Variants in BLM observed in about 807,000 individuals in gnomAD.
The protein encoded by BLM is BLM RecQ like helicase, also known as recQ-like DNA helicase BLM.
Under a neutral mutation model 135.3 loss-of-function variants are expected in BLM, and 95 were observed. That is an observed-to-expected ratio of 0.70 (90% CI 0.59 to 0.83). The LOEUF (loss-of-function observed/expected upper bound fraction) is 0.83, where lower values mean the gene tolerates loss of function less well. BLM is among the 40% of genes least tolerant of loss of function. BLM has a pLI of 0.00. For synonymous variants in BLM, 520 were observed against 589.2 expected (o/e 0.88, Z 1.70); for missense variants, 1,518 against 1,663.9 (o/e 0.91, Z 1.53).
Position 90,761,254 on chromosome 15 carries a change from T to C in BLM, c.1881T>C (p.Thr627=), listed in dbSNP as rs148678729. The change falls in exon 7 of 22, where the codon ACT becomes ACC. Residue 627 remains threonine (T), a splice_region_variant and synonymous_variant. Coordinates refer to ENST00000355112, the MANE Select transcript of BLM (RefSeq NM_000057.4). ...TCTCAGAGTCAATTCAGAATTATAC[T>C]GGTAAGTTTAAAATAAATTGAATGC... The part of the protein sequence containing the change: ...INFSESIQNY[T]DKSAQNLASR... 21 of 1,513,452 alleles carry C rather than the reference T, an allele frequency of 1.4e-5. No homozygotes were observed. In the African/African-American group the frequency reaches 2.5e-4, roughly 18 times the overall value. The allele number at this position is 1,513,452 out of a possible 1,614,324, so 93.8% of individuals were successfully genotyped here. A position where few individuals can be genotyped will look rare whatever the true frequency, so the allele number is the denominator to read the frequency against.
chr15:90,744,322 A>G (rs1477096430), intron 1 of BLM, among the ~76,000 whole-genome samples: 2 of 152,202 alleles, frequency 1.3e-5, no homozygotes, highest in African/African-American at 4.8e-5. Flanking sequence ...CACATTGTAC[A>G]GGACCTTGAA....
At chr15:90,720,180 A>G (rs1440869372) in intron 1 of BLM, among the ~76,000 whole-genome samples, 1 of 152,148 alleles carries the variant, frequency 6.6e-6, no homozygotes, top group Non-Finnish European at 1.5e-5. Context: ...CTGCTAGTCT[A>G]TAAGCTCCTT....
At chr15:90,811,593 C>T (rs1421357383) in intron 21 of BLM, among the ~76,000 whole-genome samples, 187 bp downstream of exon 21, 1 of 152,078 alleles carries the variant, frequency 6.6e-6, no homozygotes, top group African/African-American at 2.4e-5. Flanking sequence ...CTTCAAGAAA[C>T]AACAAAAAAT....
Position 90,760,626 on chromosome 15 carries a change from A to C in BLM, c.1253A>C (p.Lys418Thr). 1.2e-6 allele frequency: 2 copies of C among 1,612,150 alleles called. No individual in the cohort carries two copies. The highest frequency in any genetic ancestry group is 1.7e-6 in the Non-Finnish European group (2 of 1,178,640). ...CTTCTAACGGAAGTAGATTTTAATA[A>C]AAGTGATGCCAGTCTTCTTGGCTCA... ...RKLLTEVDFN[K>T]SDASLLGSLW... The change falls in exon 7 of 22, where the codon AAA (lysine) becomes ACA (threonine). Residue 418 changes from lysine to threonine, a missense_variant. Around this residue, in one of 5 missense-constraint regions of BLM, gnomAD observed 724 missense variants for 756.9 expected, o/e 0.96. Coordinates refer to ENST00000355112, the MANE Select transcript of BLM (RefSeq NM_000057.4).
At chr15:90,719,011 G>T (rs964166150) in intron 1 of BLM, among the ~76,000 whole-genome samples, 1 of 151,948 alleles carries the variant, frequency 6.6e-6, no homozygotes, top group Admixed American at 6.6e-5. Context: ...TGTTTTTGGG[G>T]GATGGAGTCT....
intron 5 of BLM, 88 bp downstream of exon 5, chr15:90,755,026 G>A (rs1188172391): frequency 2.0e-6 from 3 of 1,502,916 alleles, no homozygotes; most frequent in Non-Finnish European, 9.1e-7. Flanking sequence ...TGAACCTGTG[G>A]CTGTATGTTA....
chr15:90,754,719 TC>T (rs1895770374), intron 4 of BLM, 91 bp from the exon 5 acceptor site: 1 of 1,330,632 alleles, frequency 7.5e-7, no homozygotes, highest in Admixed American at 2.1e-5. Context: ...TATTGTCTGA[TC>T]AGTGGTAGAA....
In BLM at chr15:90,747,436, G is replaced by A. The variant is rs752755503; in HGVS notation, c.44G>A (p.Arg15His). The change falls in exon 2 of 22, where the codon CGT (arginine) becomes CAT (histidine). Residue 15 changes from arginine to histidine, a missense_variant. By Grantham distance (29) the Arg-to-His change is conservative. Around this residue, in one of 5 missense-constraint regions of BLM, gnomAD observed 724 missense variants for 756.9 expected, o/e 0.96. Transcript: ENST00000355112. ...AATAATCTACAGGAGCAACTAGAAC[G>A]TCACTCAGCCAGAACACTTAATAAT... Reference protein sequence around the residue: ...PQNNLQEQLERHSARTLNNKL... With the variant: ...PQNNLQEQLEHHSARTLNNKL... 2.2e-5 allele frequency: 36 copies of A among 1,611,580 alleles called. No individual in the cohort carries two copies. The highest frequency in any genetic ancestry group is 1.0e-4 in the Admixed American group (6 of 59,856).
chr15:90,762,921 C>T (rs757012585), intron 7 of BLM, 45 bp from the exon 8 acceptor site: 1 of 1,532,634 alleles, frequency 6.5e-7, no homozygotes. Flanking sequence ...TGTACTTTCA[C>T]TGTATTCATG....
intron 1 of BLM, among the ~76,000 whole-genome samples, chr15:90,720,037 C>G (rs896937604): frequency 6.6e-6 from 1 of 152,176 alleles, no homozygotes; most frequent in Admixed American, 6.5e-5. Flanking sequence ...ATATCCAATT[C>G]AGTGTTCTTT....
chr15:90,785,583 G>A (rs540129147), intron 14 of BLM, among the ~76,000 whole-genome samples: 57 of 145,300 alleles, frequency 3.9e-4, no homozygotes, highest in African/African-American at 1.4e-3. Context: ...TCACTCTGTC[G>A]CCCAGACTAC....
chr15:90,796,677 C>A (rs113619914), intron 16 of BLM, among the ~76,000 whole-genome samples: 1,898 of 152,222 alleles, frequency 0.012, 21 homozygotes, highest in Non-Finnish European at 0.02. Context: ...ACAGTCCATT[C>A]GAGCTTTGTG....
At chr15:90,774,382 T>C in intron 12 of BLM, among the ~76,000 whole-genome samples, 1 of 151,798 alleles carries the variant, frequency 6.6e-6, no homozygotes, top group Admixed American at 6.6e-5. Context: ...GCCTCCATCA[T>C]TTTATATTAC....
rs2151187130 is a variant in BLM at position 90,794,174 on chromosome 15, A to G, written c.3027A>G (p.Lys1009=). 6.3e-7 allele frequency: 1 copy of G among 1,599,618 alleles called. No individual in the cohort carries two copies. Among genetic ancestry groups the G allele is most frequent in the Non-Finnish European group, 8.5e-7 (1 of 1,169,984 alleles). ...TRLKRLIMME[K]DGNHHTRETH... is the part of the protein sequence containing the mutation. ...AGTCTTCATCTCTTTTAGTGGAAAA[A>G]GATGGAAACCATCATACAAGAGAAA... Residue 1009 remains lysine (K), a synonymous_variant, in exon 16 of 22, where the codon AAA becomes AAG. Coordinates refer to ENST00000355112, the MANE Select transcript of BLM (RefSeq NM_000057.4).
intron 16 of BLM, 24 bp downstream of exon 16, chr15:90,794,381 C>A: frequency 1.3e-6 from 2 of 1,486,624 alleles, no homozygotes; most frequent in Non-Finnish European, 1.8e-6. Flanking sequence ...TTTTAAAATT[C>A]TTTATAATTA....
chr15:90,747,548 TGA>T lies in BLM; in HGVS notation c.98+61_98+62del, dbSNP rs1225143517. On this transcript the variant is annotated intron_variant, in intron 2 of 21. Transcript: ENST00000355112. ...GCACTAACTTACCACATTGTACACA[TGA>T]GATATCTTCTCTTTAAACTCCCCCA... The T allele has an allele frequency of 1.2e-5, 13 of 1,053,414 alleles. No homozygotes were observed. In the Middle Eastern group the frequency reaches 8.5e-4, roughly 69 times the overall value. The allele number at this position is 1,053,414 out of a possible 1,614,324, so 65.3% of individuals were successfully genotyped here.
intron 12 of BLM, among the ~76,000 whole-genome samples, chr15:90,781,360 C>T (rs1267326007): frequency 6.6e-6 from 1 of 152,156 alleles, no homozygotes; most frequent in African/African-American, 2.4e-5. Context: ...TATGGTGGCT[C>T]ACACCTGTAA....
At chr15:90,779,259 G>A (rs2151175415) in intron 12 of BLM, among the ~76,000 whole-genome samples, 1 of 152,222 alleles carries the variant, frequency 6.6e-6, no homozygotes, top group African/African-American at 2.4e-5. Flanking sequence ...CACTAGCGAT[G>A]TATGAGGGTT....
Position 90,760,740 on chromosome 15 carries a change from C to T in BLM, c.1367C>T (p.Ser456Leu). ...AATTCTATGAAGGAGTTAAATTTTT[C>T]ACACCTTCCCTCAAATTCTGTTTCT... ...TGNSMKELNF[S>L]HLPSNSVSPG... The change falls in exon 7 of 22, where the codon TCA (serine) becomes TTA (leucine). Residue 456 changes from serine (S) to leucine (L), a missense_variant. Physicochemically the swap from Ser to Leu is moderately radical, Grantham distance 145. Coordinates refer to ENST00000355112, the MANE Select transcript of BLM (RefSeq NM_000057.4). 3 of 1,614,048 alleles carry T rather than the reference C, an allele frequency of 1.9e-6. No homozygotes were observed. Among genetic ancestry groups the T allele is most frequent in the Non-Finnish European group, 2.5e-6 (3 of 1,179,992 alleles).
Sources: gnomAD v4.1 joint callset for allele counts (sites outside exome capture counted in the v4.1 genomes callset) on GRCh38, gnomAD v4.1.1 for gene constraint, gnomAD v4.1.1 regional missense constraint, MANE v1.5 for transcripts, NCBI Gene and HGNC (gene_info 2026-07-23, HGNC 2026-07-21) for gene names.